Variants in TBCD observed in about 807,000 individuals in gnomAD.
The protein encoded by TBCD is tubulin folding cofactor D.
TBCD carries 105 observed loss-of-function variants against 169.3 expected under a neutral mutation model. The observed-to-expected ratio is 0.62, with a 90% CI of 0.53 to 0.73. TBCD has a LOEUF of 0.73. TBCD is among the 30% of genes least tolerant of loss of function. The pLI, the probability that TBCD is intolerant of heterozygous loss-of-function variation, is 0.00. For synonymous variants in TBCD, 700 were observed against 643.9 expected (o/e 1.09, Z -1.32); for missense variants, 1,444 against 1,600.1 (o/e 0.90, Z 1.66).
At chr17:82,829,315 CA>C (rs1243709338) in intron 13 of TBCD, 4 of 153,102 alleles carry the variant, frequency 2.6e-5, no homozygotes, top group African/African-American at 9.7e-5. Flanking sequence ...ACACCCCCCC[CA>C]CACAGATAGC....
chr17:82,865,424 C>T (rs1405005162), intron 13 of TBCD: 4 of 966,610 alleles, frequency 4.1e-6, no homozygotes, highest in Non-Finnish European at 4.9e-6. Context: ...TCTGCAGGGG[C>T]CTGAGCAGTC....
At chr17:82,775,279 C>T (rs1240718974) in intron 6 of TBCD, among the ~76,000 whole-genome samples, 1 of 152,192 alleles carries the variant, frequency 6.6e-6, no homozygotes, top group African/African-American at 2.4e-5. Flanking sequence ...CCCCCTTGGT[C>T]TCGCACACTC....
chr17:82,802,196 C>T (rs1054375496), intron 9 of TBCD, among the ~76,000 whole-genome samples: 7 of 149,314 alleles, frequency 4.7e-5, no homozygotes, highest in East Asian at 2.0e-4. Flanking sequence ...CCGGTGTGAA[C>T]GGGTTGGTTC....
chr17:82,812,503 C>T (rs2051522773), intron 12 of TBCD, among the ~76,000 whole-genome samples: 2 of 152,236 alleles, frequency 1.3e-5, no homozygotes, highest in South Asian at 2.1e-4. Context: ...CGTTTCGCAT[C>T]CCTCCGGGGA....
intron 29 of TBCD, among the ~76,000 whole-genome samples, chr17:82,927,688 G>A (rs2061869939): frequency 6.6e-6 from 1 of 152,096 alleles, no homozygotes; most frequent in Non-Finnish European, 1.5e-5. Flanking sequence ...GATGCCTCGG[G>A]GCCCCGGTGT....
intron 7 of TBCD, 132 bp from the exon 8 acceptor site, chr17:82,797,620 GTTTTC>G (rs1023437999): frequency 3.0e-6 from 2 of 672,276 alleles, no homozygotes; most frequent in African/African-American, 3.7e-5. Context: ...TACAGAAACT[GTTTTC>G]TTTATTATTA....
intron 14 of TBCD, among the ~76,000 whole-genome samples, chr17:82,878,720 TCCTGCTGTTTCTCCTTTGGTTTTCAC>T (rs1403170905): frequency 6.6e-6 from 1 of 152,228 alleles, no homozygotes; most frequent in Non-Finnish European, 1.5e-5. Flanking sequence ...TTATGCAACA[TCCTGCTGTTTCTCCTTTGGTTTTCAC>T]CCCATCCGAG....
chr17:82,927,843 C>A, intron 29 of TBCD, 62 bp from the exon 30 acceptor site: 1 of 1,473,442 alleles, frequency 6.8e-7, no homozygotes, highest in Non-Finnish European at 9.5e-7. Flanking sequence ...GCGTGGTGGG[C>A]AGAACCAGGG....
chr17:82,840,954 G>GTTTTTTTTT (rs1295995328), intron 13 of TBCD, among the ~76,000 whole-genome samples: 2 of 44,278 alleles, frequency 4.5e-5, no homozygotes, highest in African/African-American at 8.0e-5. Context: ...AGACAAACTG[G>GTTTTTTTTT]TTTTTTTTTT....
intron 5 of TBCD, among the ~76,000 whole-genome samples, chr17:82,772,223 CTG>C (rs1229885341): frequency 6.6e-6 from 1 of 152,208 alleles, no homozygotes; most frequent in Non-Finnish European, 1.5e-5. Context: ...ACCAAATGCT[CTG>C]TGTAGCTCAG....
intron 17 of TBCD, among the ~76,000 whole-genome samples, chr17:82,897,221 A>T (rs2059550010): frequency 1.3e-5 from 2 of 151,824 alleles, no homozygotes; most frequent in Admixed American, 6.6e-5. Flanking sequence ...AGCCTTTTTA[A>T]AAAAAAATCA....
rs746731577 is a variant in TBCD, at chr17:82,880,841, G to A, written c.1476-3304G>A. Among the ~76,000 whole-genome samples, 4 of 152,236 alleles carry A rather than the reference G, an allele frequency of 2.6e-5. No individual in the cohort carries two copies. Among genetic ancestry groups the A allele is most frequent in the Admixed American group, 1.3e-4 (2 of 15,292 alleles). On this transcript the variant is annotated intron_variant, in intron 14 of 38. Coordinates refer to ENST00000355528, the MANE Select transcript of TBCD (RefSeq NM_005993.5). The surrounding 1 kb of genome is among the most constrained non-coding windows in gnomAD (Gnocchi z 5.0). ...TTTGTTGTTGCCGTCTCCCCAGGGT[G>A]CAGAGCGTGGTGGTTTGTGGCCATC...
chr17:82,929,496 C>G lies in TBCD; in HGVS notation c.2987C>G (p.Ser996Trp). ...GTGTCCCTGGGCGGCTTGACGGAGTCGACGGTGAGGAGGCGTCGGGCTGGC... is the reference window on the plus strand; with the variant it reads ...GTGTCCCTGGGCGGCTTGACGGAGTGGACGGTGAGGAGGCGTCGGGCTGGC... ...LVVSLGGLTESTIRHSTQSLF... is the reference protein window; with the variant it reads ...LVVSLGGLTEWTIRHSTQSLF... The change falls in exon 32 of 39, where the codon TCG (serine) becomes TGG (tryptophan). Residue 996 changes from serine (S) to tryptophan (W), a missense_variant. Coordinates refer to ENST00000355528, the MANE Select transcript of TBCD (RefSeq NM_005993.5). The G allele has an allele frequency of 6.2e-7, 1 of 1,605,788 alleles. No individual in the cohort carries two copies. Among genetic ancestry groups the G allele is most frequent in the Non-Finnish European group, 8.5e-7 (1 of 1,179,854 alleles).
intron 33 of TBCD, 62 bp from the exon 34 acceptor site, chr17:82,932,596 T>G: frequency 7.2e-7 from 1 of 1,393,978 alleles, no homozygotes; most frequent in Non-Finnish European, 1.0e-6. Context: ...CTCTCAGCCA[T>G]TCAGGGAGTT....
rs2459712 is a variant in TBCD at position 82,767,805 on chromosome 17, A to G, written c.436-615A>G. ...CCCTGTGTCTACAAAAAATACAAAA[A>G]TTAGCCTAGCATGGTGGCAAACGCC... On this transcript the variant is annotated intron_variant, in intron 4 of 38. Transcript: ENST00000355528. Among the ~76,000 whole-genome samples the G allele has an allele frequency of 6.3e-3, 956 of 152,220 alleles. 9 individuals carry two copies. Among genetic ancestry groups the G allele is most frequent in the African/African-American group, 0.022 (908 of 41,542 alleles).
chr17:82,805,803 T>A, intron 9 of TBCD, 72 bp from the exon 10 acceptor site: 1 of 1,520,524 alleles, frequency 6.6e-7, no homozygotes, highest in Non-Finnish European at 9.0e-7. Flanking sequence ...AAAGTGACAC[T>A]GAATGACTGG....
Position 82,943,263 on chromosome 17 carries a change from CTG to C in TBCD, c.*804_*805del, listed in dbSNP as rs2063457660. ...AAAGGGCAGGAGGCTACCTTTGTCT[CTG>C]TGTCTGAGCTCGTGCTGATCCATCC... On this transcript the variant is annotated 3_prime_UTR_variant, in exon 39 of 39. Transcript: ENST00000355528. 2.0e-5 allele frequency: 3 copies of C among 152,420 alleles called. No individual in the cohort carries two copies. Among genetic ancestry groups the C allele is most frequent in the East Asian group, 1.9e-4 (1 of 5,190 alleles). The allele number at this position is 152,420 out of a possible 1,614,324, so 9.4% of individuals were successfully genotyped here.
At chr17:82,857,746 G>GTTT (rs11388114) in intron 13 of TBCD, among the ~76,000 whole-genome samples, 2 of 132,524 alleles carry the variant, frequency 1.5e-5, no homozygotes, top group Non-Finnish European at 3.2e-5. Flanking sequence ...GTGTCTCATG[G>GTTT]TTTTTTTTTT....
chr17:82,896,453 G>GTTTTTTTT (rs1014108505), intron 17 of TBCD, among the ~76,000 whole-genome samples: 1 of 91,422 alleles, frequency 1.1e-5, no homozygotes, highest in African/African-American at 4.5e-5. Context: ...TGTGCTGTCA[G>GTTTTTTTT]TTTTTTTTTT....
Sources: allele counts gnomAD v4.1 joint callset (sites outside exome capture counted in the v4.1 genomes callset), GRCh38; gene constraint gnomAD v4.1.1; non-coding constraint Gnocchi (gnomAD v3.1); transcripts MANE v1.5; gene names NCBI Gene and HGNC (gene_info 2026-07-23, HGNC 2026-07-21).